The following OR2L13 variants were observed in gnomAD, a reference collection of about 807,000 sequenced individuals.
OR2L13 encodes the protein olfactory receptor family 2 subfamily L member 13.
In OR2L13, 14 loss-of-function variants were observed where a neutral mutation model predicts 15.3. The observed-to-expected ratio is 0.91, with a 90% CI of 0.60 to 1.43. OR2L13 has a LOEUF of 1.43. Ranked by LOEUF, OR2L13 falls within the 40% of genes most tolerant of loss-of-function variation. OR2L13 has a pLI of 0.00. For missense variants in OR2L13, 367 were observed against 387.9 expected (o/e 0.95, Z 0.45); for synonymous variants, 152 against 142.9 (o/e 1.06, Z -0.45).
chr1:247,945,777 G>A, the OR2L13 span, among the ~76,000 whole-genome samples: 1 of 152,032 alleles, frequency 6.6e-6, no homozygotes, highest in Non-Finnish European at 1.5e-5. Flanking sequence ...TTTGACCTTT[G>A]TTGGTTTGAA....
the OR2L13 span, chr1:248,045,640 A>G: frequency 1.3e-5 from 2 of 152,202 alleles, no homozygotes; most frequent in Non-Finnish European, 2.9e-5. Flanking sequence ...TTGTAAACTT[A>G]AGAAAGGAAT....
At chr1:248,072,334 G>T in the OR2L13 span, among the ~76,000 whole-genome samples, 13 of 151,974 alleles carry the variant, frequency 8.6e-5, 1 homozygote, top group East Asian at 2.5e-3. Context: ...CATATCTATG[G>T]CTATCTGATC....
At chr1:248,044,809 CAAAAAAAAAAAAAA>C in the OR2L13 span, among the ~76,000 whole-genome samples, 1 of 8,130 alleles carries the variant, frequency 1.2e-4, no homozygotes, top group Non-Finnish European at 1.7e-4. Flanking sequence ...AACTCCGTCT[CAAAAAAAAAAAAAA>C]AAAAAAAAAA....
the OR2L13 span, chr1:248,061,583 C>T: frequency 1.9e-6 from 3 of 1,613,108 alleles, no homozygotes; most frequent in Middle Eastern, 1.6e-4. Flanking sequence ...GGGGCCCTGA[C>T]ACGAGTGAGT....
chr1:247,963,419 G>A, the OR2L13 span, among the ~76,000 whole-genome samples: 4 of 152,132 alleles, frequency 2.6e-5, no homozygotes, highest in Non-Finnish European at 5.9e-5. Context: ...TGCCATGATG[G>A]TTTTGGTAGG....
upstream of OR2L13, among the ~76,000 whole-genome samples, chr1:248,096,189 T>A (rs959724277): frequency 6.6e-6 from 1 of 151,650 alleles, no homozygotes; most frequent in Non-Finnish European, 1.5e-5. Context: ...CCATCCTGGC[T>A]AACACAGTGA....
At chr1:247,949,762 G>T in the OR2L13 span, 13 of 1,611,940 alleles carry the variant, frequency 8.1e-6, no homozygotes, top group Admixed American at 3.3e-5. Flanking sequence ...GCCCTGACAC[G>T]AGTGAGTCAG....
At chr1:248,064,235 A>G in the OR2L13 span, among the ~76,000 whole-genome samples, 1 of 152,160 alleles carries the variant, frequency 6.6e-6, no homozygotes, top group African/African-American at 2.4e-5. Context: ...GGTCATGAGG[A>G]TAGCACCCTC....
chr1:247,960,168 C>A, the OR2L13 span, among the ~76,000 whole-genome samples: 1 of 152,158 alleles, frequency 6.6e-6, no homozygotes, highest in Admixed American at 6.5e-5. Flanking sequence ...AGTCAGGACC[C>A]TCAGCTGCAG....
At chr1:248,074,041 A>T in the OR2L13 span, among the ~76,000 whole-genome samples, 1 of 152,128 alleles carries the variant, frequency 6.6e-6, no homozygotes, top group Non-Finnish European at 1.5e-5. Flanking sequence ...TTAAAATAAT[A>T]ATCAGGCTAG....
the OR2L13 span, chr1:247,965,838 C>G: frequency 9.3e-6 from 15 of 1,613,292 alleles, no homozygotes; most frequent in Non-Finnish European, 1.3e-5. Context: ...GTGGTTCTAT[C>G]AATGCTTTCA....
the OR2L13 span, among the ~76,000 whole-genome samples, chr1:248,049,833 C>T: frequency 4.8e-4 from 73 of 152,170 alleles, no homozygotes; most frequent in African/African-American, 1.8e-3. Flanking sequence ...AACTACACCA[C>T]ACATTTTTAA....
At chr1:248,000,248 G>C in the OR2L13 span, among the ~76,000 whole-genome samples, 1 of 151,886 alleles carries the variant, frequency 6.6e-6, no homozygotes, top group Non-Finnish European at 1.5e-5. Flanking sequence ...GCTGAGGAAA[G>C]TATAGGGAGG....
chr1:248,075,365 C>T, the OR2L13 span, among the ~76,000 whole-genome samples: 4 of 152,154 alleles, frequency 2.6e-5, no homozygotes, highest in East Asian at 5.8e-4. Context: ...TGGGTATATA[C>T]CCAGTAATGG....
the OR2L13 span, among the ~76,000 whole-genome samples, chr1:248,081,988 T>A: frequency 1.3e-5 from 2 of 152,144 alleles, no homozygotes; most frequent in Non-Finnish European, 2.9e-5. Flanking sequence ...AAGCTTTTAG[T>A]TATTTCCCAT....
At chr1:248,002,783 G>A in the OR2L13 span, among the ~76,000 whole-genome samples, 19,842 of 151,294 alleles carry the variant, frequency 0.13, 2,153 homozygotes, top group African/African-American at 0.3. Context: ...GCGGGAACCC[G>A]GGAGGCAGAG....
chr1:247,955,883 T>A, the OR2L13 span, among the ~76,000 whole-genome samples: 1 of 151,970 alleles, frequency 6.6e-6, no homozygotes, highest in Non-Finnish European at 1.5e-5. Flanking sequence ...TTTTCTCCCA[T>A]TGTGTAGGTT....
At chr1:248,032,754 G>A in the OR2L13 span, among the ~76,000 whole-genome samples, 1 of 151,990 alleles carries the variant, frequency 6.6e-6, no homozygotes, top group Admixed American at 6.6e-5. Flanking sequence ...TTTCTCTGTG[G>A]ATGGACACTT....
chr1:248,048,462 C>G, the OR2L13 span, among the ~76,000 whole-genome samples: 1 of 152,134 alleles, frequency 6.6e-6, no homozygotes, highest in Admixed American at 6.5e-5. Flanking sequence ...GATTCCATGC[C>G]AGGATGCTGT....
Sources: allele counts gnomAD v4.1 joint callset (sites outside exome capture counted in the v4.1 genomes callset), GRCh38; gene constraint gnomAD v4.1.1; transcripts MANE v1.5; gene names NCBI Gene and HGNC (gene_info 2026-07-23, HGNC 2026-07-21).